Variants in PCCA observed in about 807,000 individuals in gnomAD.
PCCA encodes propionyl-CoA carboxylase alpha chain, mitochondrial.
Under a neutral mutation model 101.3 loss-of-function variants are expected in PCCA, and 74 were observed. The ratio of observed to expected loss-of-function variants is 0.73; its 90% CI spans 0.61 to 0.89. PCCA has a LOEUF of 0.89. PCCA is among the 40% of genes least tolerant of loss of function. PCCA has a pLI of 0.00. For missense variants in PCCA, 891 were observed against 907.0 expected, an observed-to-expected ratio of 0.98 and a Z score of 0.23; for synonymous variants, 294 against 313.6, an observed-to-expected ratio of 0.94 and a Z score of 0.66.
In PCCA at chr13:100,500,505, G is replaced by A. The variant is rs530508261; in HGVS notation, c.1900-14922G>A. On this transcript the variant is annotated intron_variant, in intron 21 of 23. Coordinates refer to ENST00000376285, the MANE Select transcript of PCCA (RefSeq NM_000282.4). ...TTTTTAATAAACCAAAAGATCAAACGAACAGTCCCCAGTTGCCCAAATATT... is the reference window on the plus strand; with the variant it reads ...TTTTTAATAAACCAAAAGATCAAACAAACAGTCCCCAGTTGCCCAAATATT... Among the ~76,000 whole-genome samples the A allele has an allele frequency of 3.9e-5, 6 of 152,112 alleles. No homozygotes were observed. The South Asian group carries it at 1.0e-3, about 26-fold the overall frequency.
intron 4 of PCCA, among the ~76,000 whole-genome samples, chr13:100,148,914 T>C (rs974778872): frequency 3.9e-5 from 6 of 152,306 alleles, no homozygotes; most frequent in African/African-American, 1.4e-4. Context: ...AGTCCACTAA[T>C]TCTACCATCC....
chr13:100,230,882 C>G (rs967260051), intron 7 of PCCA, among the ~76,000 whole-genome samples: 2 of 152,116 alleles, frequency 1.3e-5, no homozygotes, highest in Non-Finnish European at 2.9e-5. Context: ...TAAGCAGATG[C>G]TATGCCAGAA....
At chr13:100,512,969 A>G (rs890141057) in intron 21 of PCCA, among the ~76,000 whole-genome samples, 14 of 152,222 alleles carry the variant, frequency 9.2e-5, no homozygotes, top group African/African-American at 3.1e-4. Flanking sequence ...AGCAGTTTTG[A>G]TCAGAAGCTT....
At chr13:100,247,897 T>C (rs1566791086) in intron 8 of PCCA, among the ~76,000 whole-genome samples, 1 of 152,246 alleles carries the variant, frequency 6.6e-6, no homozygotes, top group Non-Finnish European at 1.5e-5. Flanking sequence ...TTAGGTTTTG[T>C]CCCTGTTTAG....
chr13:100,272,792 T>G (rs2063383360), intron 11 of PCCA, among the ~76,000 whole-genome samples: 1 of 152,190 alleles, frequency 6.6e-6, no homozygotes, highest in African/African-American at 2.4e-5. Context: ...GTAGGCAGAT[T>G]TGTAAATATG....
intron 19 of PCCA, among the ~76,000 whole-genome samples, chr13:100,408,807 G>A (rs1213115886): frequency 6.6e-6 from 1 of 152,164 alleles, no homozygotes; most frequent in Non-Finnish European, 1.5e-5. Flanking sequence ...GTCTGGCCTA[G>A]TAAAGTGTTT....
At chr13:100,458,115 T>C (rs1258970553) in intron 21 of PCCA, among the ~76,000 whole-genome samples, 2 of 152,146 alleles carry the variant, frequency 1.3e-5, no homozygotes, top group African/African-American at 4.8e-5. Flanking sequence ...CTACTTTCAG[T>C]CCTTTCGCTT....
At chr13:100,132,320 T>TTA (rs2050623012) in intron 4 of PCCA, among the ~76,000 whole-genome samples, 1 of 152,190 alleles carries the variant, frequency 6.6e-6, no homozygotes, top group Non-Finnish European at 1.5e-5. Context: ...GACTCCCTTG[T>TTA]GTATCCCATT....
chr13:100,456,627 G>T (rs1456066063), intron 21 of PCCA, among the ~76,000 whole-genome samples: 1 of 149,780 alleles, frequency 6.7e-6, no homozygotes, highest in Non-Finnish European at 1.5e-5. Context: ...TAGAACAGGG[G>T]GGCCCTTCCC....
At chr13:100,456,256 T>G (rs1042077676) in intron 21 of PCCA, among the ~76,000 whole-genome samples, 2 of 152,196 alleles carry the variant, frequency 1.3e-5, no homozygotes, top group Admixed American at 1.3e-4. Flanking sequence ...CTCTATGACA[T>G]GGGACTGCAA....
At chr13:100,158,737 C>G (rs762470356) in intron 6 of PCCA, among the ~76,000 whole-genome samples, 74 of 152,256 alleles carry the variant, frequency 4.9e-4, no homozygotes, top group Admixed American at 9.2e-4. Flanking sequence ...CAAATGCAGC[C>G]TGCTGCCTGT....
chr13:100,326,398 G>A (rs2068686898), intron 16 of PCCA, among the ~76,000 whole-genome samples: 1 of 152,192 alleles, frequency 6.6e-6, no homozygotes, highest in African/African-American at 2.4e-5. Flanking sequence ...GATCACATCA[G>A]ACAATGCGGC....
At chr13:100,151,061 C>CAAA (rs2053253490) in intron 4 of PCCA, 1 of 1,554,068 alleles carries the variant, frequency 6.4e-7, no homozygotes, top group South Asian at 1.1e-5. Flanking sequence ...CTGCTGCTTT[C>CAAA]TCCGTAGCTC....
chr13:100,409,448 G>A (rs1269343259), intron 19 of PCCA, among the ~76,000 whole-genome samples: 1 of 152,222 alleles, frequency 6.6e-6, no homozygotes, highest in Non-Finnish European at 1.5e-5. Flanking sequence ...AAAAAAGGGG[G>A]AACAGGGACT....
intron 19 of PCCA, among the ~76,000 whole-genome samples, chr13:100,392,054 C>T (rs918603174): frequency 2.0e-5 from 3 of 152,102 alleles, no homozygotes; most frequent in African/African-American, 7.2e-5. Flanking sequence ...CTTGAGTTCT[C>T]GTGTTTATTT....
At chr13:100,184,760 G>C (rs72658524) in intron 6 of PCCA, among the ~76,000 whole-genome samples, 1 of 151,992 alleles carries the variant, frequency 6.6e-6, no homozygotes. Context: ...AACATGTCAC[G>C]AAGTATTACT....
At chr13:100,140,704 A>G (rs1452366048) in intron 4 of PCCA, among the ~76,000 whole-genome samples, 1 of 152,112 alleles carries the variant, frequency 6.6e-6, no homozygotes, top group Non-Finnish European at 1.5e-5. Context: ...TGATTCGTGC[A>G]TTCTTTTGAG....
chr13:100,486,947 G>A (rs1202410354), intron 21 of PCCA, among the ~76,000 whole-genome samples: 2 of 152,100 alleles, frequency 1.3e-5, no homozygotes, highest in African/African-American at 4.8e-5. Context: ...CCACAAACAT[G>A]AAAGGCTTAA....
At chr13:100,153,486 G>T (rs991629103) in intron 4 of PCCA, among the ~76,000 whole-genome samples, 2 of 152,136 alleles carry the variant, frequency 1.3e-5, no homozygotes, top group South Asian at 2.1e-4. Flanking sequence ...TTTAAACAAA[G>T]ACTTAAATGT....
Sources: gnomAD v4.1 joint callset for allele counts (sites outside exome capture counted in the v4.1 genomes callset) on GRCh38, gnomAD v4.1.1 for gene constraint, MANE v1.5 for transcripts, NCBI Gene and HGNC (gene_info 2026-07-23, HGNC 2026-07-21) for gene names.